The following ILRUN variants were observed in gnomAD, a reference collection of about 807,000 sequenced individuals.
ILRUN encodes protein ILRUN.
ILRUN carries 3 observed loss-of-function variants against 33.8 expected under a neutral mutation model. That is an observed-to-expected ratio of 0.09 (90% CI 0.04 to 0.23). The LOEUF (loss-of-function observed/expected upper bound fraction) is 0.23. Ranked by LOEUF, ILRUN falls within the 10% of genes least tolerant of loss-of-function variation. The pLI, the probability that ILRUN is intolerant of heterozygous loss-of-function variation, is 1.00. For synonymous variants in ILRUN, 124 were observed against 138.9 expected (o/e 0.89, Z 0.75); for missense variants, 210 against 375.1 (o/e 0.56, Z 3.64).
At chr6:34,683,451 T>TACATATATATACATATATATAC (rs1219984998) in intron 1 of ILRUN, among the ~76,000 whole-genome samples, 2 of 99,296 alleles carry the variant, frequency 2.0e-5, no homozygotes. Flanking sequence ...CATATATATA[T>TACATATATATACATATATATAC]ACATATATAT....
intron 1 of ILRUN, among the ~76,000 whole-genome samples, chr6:34,689,887 T>C (rs992445322): frequency 1.3e-5 from 2 of 152,006 alleles, no homozygotes; most frequent in Admixed American, 6.6e-5. Flanking sequence ...TGGATGCAAG[T>C]AGAATTCCAA....
intron 3 of ILRUN, among the ~76,000 whole-genome samples, chr6:34,609,099 C>T (rs1761692329): frequency 6.6e-6 from 1 of 152,156 alleles, no homozygotes; most frequent in Non-Finnish European, 1.5e-5. Flanking sequence ...TAATATAATC[C>T]TAGAACAAAC....
chr6:34,594,274 G>A (rs1049983798), intron 4 of ILRUN, among the ~76,000 whole-genome samples: 4 of 152,054 alleles, frequency 2.6e-5, no homozygotes, highest in South Asian at 2.1e-4. Context: ...AATTCAACTC[G>A]GACCCAAGCA....
At chr6:34,695,985 C>G (rs964550383) in intron 1 of ILRUN, among the ~76,000 whole-genome samples, 1 of 152,038 alleles carries the variant, frequency 6.6e-6, no homozygotes, top group Non-Finnish European at 1.5e-5. Flanking sequence ...AGCACCTAAT[C>G]CTTCCCTATA....
intron 1 of ILRUN, among the ~76,000 whole-genome samples, chr6:34,681,845 ATTTTTT>A (rs1168522578): frequency 2.5e-4 from 21 of 85,398 alleles, no homozygotes; most frequent in African/African-American, 8.7e-4. Context: ...CCACCACTAC[ATTTTTT>A]TTTTTTTTTT....
chr6:34,626,221 G>C (rs574843304), intron 3 of ILRUN, among the ~76,000 whole-genome samples: 1 of 152,140 alleles, frequency 6.6e-6, no homozygotes, highest in Non-Finnish European at 1.5e-5. Context: ...GCCCAGGCTG[G>C]AGTGCAATGG....
rs914521695 is a variant in ILRUN, at chr6:34,607,414, G to A, written c.512-510C>T. Among the ~76,000 whole-genome samples, 4 of 152,146 alleles carry A rather than the reference G, an allele frequency of 2.6e-5. No homozygotes were observed. In the South Asian group the frequency reaches 8.3e-4, roughly 32 times the overall value. On this transcript the variant is annotated intron_variant, in intron 3 of 4. Transcript: ENST00000374023. ...GAAAGAGGGACCTATTAATAATTAC[G>A]CCAGGACCAGCATTTATCTAGACAA...
In ILRUN at chr6:34,646,496, G is replaced by T; in HGVS notation, c.511+105C>A. 9.7e-7 allele frequency: 1 copy of T among 1,033,556 alleles called. No homozygotes were observed. Among genetic ancestry groups the T allele is most frequent in the Non-Finnish European group, 1.4e-6 (1 of 699,350 alleles). 64.0% of individuals were successfully genotyped at this position (1,033,556 alleles called of 1,614,324 possible). On this transcript the variant is annotated intron_variant, in intron 3 of 4. Coordinates refer to ENST00000374023, the MANE Select transcript of ILRUN (RefSeq NM_024294.4). The surrounding 1 kb of genome is among the most constrained non-coding windows in gnomAD (Gnocchi z 4.9). ...TGCATGAGGTGACTGTTAAAAAGAG[G>T]CCATGCCCTGTTATGCAATTTGACA...
intron 1 of ILRUN, among the ~76,000 whole-genome samples, chr6:34,676,891 G>T (rs1763245417): frequency 6.6e-6 from 1 of 151,448 alleles, no homozygotes; most frequent in Non-Finnish European, 1.5e-5. Flanking sequence ...CTTCTTGGGG[G>T]CAATCTGGCA....
At chr6:34,636,399 TAAAG>T (rs929187782) in intron 3 of ILRUN, among the ~76,000 whole-genome samples, 3 of 145,504 alleles carry the variant, frequency 2.1e-5, no homozygotes, top group East Asian at 3.8e-4. Flanking sequence ...AATAAAAAGC[TAAAG>T]AAAGATTTTT....
intron 4 of ILRUN, among the ~76,000 whole-genome samples, chr6:34,591,681 G>C (rs544495145): frequency 6.6e-6 from 1 of 152,128 alleles, no homozygotes; most frequent in South Asian, 2.1e-4. Context: ...AGTAGAGACG[G>C]GGTTTCATCA....
chr6:34,685,667 G>A (rs1166363302), intron 1 of ILRUN: 2 of 152,110 alleles, frequency 1.3e-5, no homozygotes, highest in Non-Finnish European at 2.9e-5. Flanking sequence ...AACACATCTA[G>A]TTTTGAATGC....
intron 3 of ILRUN, among the ~76,000 whole-genome samples, chr6:34,615,007 CA>C (rs1203090080): frequency 1.3e-5 from 2 of 151,996 alleles, no homozygotes; most frequent in Non-Finnish European, 2.9e-5. Context: ...GATTGGGGCA[CA>C]TGACAACTAA....
At position 34,588,447 on chromosome 6, in the gene ILRUN, A is replaced by C; in HGVS notation, c.*2118T>G. 1 of 387,712 alleles carries C rather than the reference A, an allele frequency of 2.6e-6. No individual in the cohort carries two copies. Among genetic ancestry groups the C allele is most frequent in the Non-Finnish European group, 4.6e-6 (1 of 219,512 alleles). 24.0% of individuals were successfully genotyped at this position (387,712 alleles called of 1,614,324 possible). A position where few individuals can be genotyped will look rare whatever the true frequency, so the allele number is the denominator to read the frequency against. Reference sequence around the variant, plus strand: ...CACAATCCTGCCAGGGACAGTGGAGATGTGCTGCTTCAAGGCTACTAAGCA... The same window carrying C: ...CACAATCCTGCCAGGGACAGTGGAGCTGTGCTGCTTCAAGGCTACTAAGCA... On this transcript the variant is annotated 3_prime_UTR_variant, in exon 5 of 5. Transcript: ENST00000374023.
At chr6:34,675,649 A>G (rs1187215119) in intron 1 of ILRUN, among the ~76,000 whole-genome samples, 3 of 152,208 alleles carry the variant, frequency 2.0e-5, no homozygotes, top group Admixed American at 2.0e-4. Flanking sequence ...AATTCACCCA[A>G]AAAGTGCCAC....
intron 2 of ILRUN, among the ~76,000 whole-genome samples, chr6:34,653,839 C>CA (rs1217434124): frequency 6.6e-6 from 1 of 151,934 alleles, no homozygotes; most frequent in African/African-American, 2.4e-5. Context: ...CACAGTAGTG[C>CA]ACGCCTGTGG....
At chr6:34,667,054 T>A (rs1301775109) in intron 1 of ILRUN, among the ~76,000 whole-genome samples, 1 of 151,886 alleles carries the variant, frequency 6.6e-6, no homozygotes, top group East Asian at 1.9e-4. Flanking sequence ...AAAAAAACTA[T>A]CCAATCTGGT....
At chr6:34,626,406 G>A (rs1762131383) in intron 3 of ILRUN, among the ~76,000 whole-genome samples, 2 of 152,076 alleles carry the variant, frequency 1.3e-5, no homozygotes, top group South Asian at 4.1e-4. Context: ...AAACTCCTAG[G>A]CCTCAAGCAG....
At chr6:34,620,099 A>G (rs143357782) in intron 3 of ILRUN, among the ~76,000 whole-genome samples, 284 of 152,270 alleles carry the variant, frequency 1.9e-3, no homozygotes, top group African/African-American at 6.2e-3. Context: ...GAAAAAAACA[A>G]TGAATAAAAA....
Sources: allele counts gnomAD v4.1 joint callset (sites outside exome capture counted in the v4.1 genomes callset), GRCh38; gene constraint gnomAD v4.1.1; non-coding constraint Gnocchi (gnomAD v3.1); transcripts MANE v1.5; gene names NCBI Gene and HGNC (gene_info 2026-07-23, HGNC 2026-07-21).